The following DAG1 variants were observed in gnomAD, a reference collection of about 807,000 sequenced individuals.
DAG1 encodes dystroglycan 1, also known as dystroglycan 1 (dystrophin-associated glycoprotein 1).
A neutral mutation model predicts 46.1 loss-of-function variants in DAG1; 8 were observed. That is an observed-to-expected ratio of 0.17 (90% confidence interval 0.10 to 0.31). The LOEUF is 0.31. Among genes scored for constraint, DAG1 ranks in the 10% least tolerant of loss-of-function variants. The probability of loss-of-function intolerance (pLI) is 1.00; values close to 1 mark genes in which losing one functional copy is unlikely to be tolerated. For synonymous variants in DAG1, 495 were observed against 481.8 expected (o/e 1.03, Z -0.36); for missense variants, 1,003 against 1,189.9 (o/e 0.84, Z 2.31).
chr3:49,474,734 C>A (rs2049627924), intron 1 of DAG1, among the ~76,000 whole-genome samples: 1 of 152,078 alleles, frequency 6.6e-6, no homozygotes, highest in South Asian at 2.1e-4. Flanking sequence ...CTGCCTTCCT[C>A]AGCCTCCGAA....
In DAG1 at chr3:49,504,992, T is replaced by A. The variant is rs74843452; in HGVS notation, c.-116-5427T>A. On this transcript the variant is annotated intron_variant, in intron 1 of 2. Coordinates refer to ENST00000308775, the MANE Select transcript of DAG1 (RefSeq NM_004393.6). ...TCTTCTTTTTTTTTTTTTTTAATTT[T>A]AAAATTACTATTGTTATTTTTGAGA... is the stretch of plus-strand genomic sequence containing the variant. 7.6e-4 allele frequency among the ~76,000 whole-genome samples: 114 copies of A among 150,658 alleles called. No individual in the cohort carries two copies. In the East Asian group the frequency reaches 0.021, roughly 28 times the overall value.
At chr3:49,491,035 CACT>C (rs1031713160) in intron 1 of DAG1, among the ~76,000 whole-genome samples, 6 of 151,960 alleles carry the variant, frequency 3.9e-5, no homozygotes, top group Admixed American at 3.9e-4. Flanking sequence ...TACAGGCGCG[CACT>C]ACTACGCCTG....
At chr3:49,511,064 C>T in intron 2 of DAG1, 1 of 743,664 alleles carries the variant, frequency 1.3e-6, no homozygotes, top group Non-Finnish European at 1.6e-6. Flanking sequence ...TCTGGAAGTT[C>T]TACTGAACAC....
chr3:49,502,402 C>A (rs1189360313), intron 1 of DAG1, among the ~76,000 whole-genome samples: 1 of 152,110 alleles, frequency 6.6e-6, no homozygotes, highest in African/African-American at 2.4e-5. Flanking sequence ...CTTAACATTG[C>A]TGGTGAGCCT....
In DAG1 at chr3:49,533,014, AGT is replaced by A; in HGVS notation, c.2507_2508del (p.Val836AlafsTer20). 2 of 1,613,974 alleles carry A rather than the reference AGT, an allele frequency of 1.2e-6. No individual in the cohort carries two copies. Among genetic ancestry groups the A allele is most frequent in the Non-Finnish European group, 1.7e-6 (2 of 1,179,990 alleles). ...ACCCCCTCCTGAGTACCCCAACCAG[AGT>A]GTGCCCGAGACCACTCCTCTGAACC... is the stretch of plus-strand genomic sequence containing the variant. ...PLPPPEYPNQ[S>X]VPETTPLNQD... is the part of the protein sequence containing the mutation. On this transcript the variant is annotated frameshift_variant, in exon 3 of 3. Coordinates refer to ENST00000308775, the MANE Select transcript of DAG1 (RefSeq NM_004393.6). LOFTEE classifies it high-confidence loss of function.
At chr3:49,489,787 C>T (rs1333142852) in intron 1 of DAG1, among the ~76,000 whole-genome samples, 1 of 152,056 alleles carries the variant, frequency 6.6e-6, no homozygotes, top group South Asian at 2.1e-4. Flanking sequence ...CACTTCCCTT[C>T]GTAAACTTGG....
At position 49,535,521 on chromosome 3, in the gene DAG1, G is replaced by A. The variant is rs2051486996; in HGVS notation, c.*2322G>A. 6.5e-6 allele frequency: 1 copy of A among 152,714 alleles called. No homozygotes were observed. The highest frequency in any genetic ancestry group is 1.5e-5 in the Non-Finnish European group (1 of 68,052). The allele number at this position is 152,714 out of a possible 1,614,324, so 9.5% of individuals were successfully genotyped here. A position where few individuals can be genotyped will look rare whatever the true frequency, so the allele number is the denominator to read the frequency against. On this transcript the variant is annotated 3_prime_UTR_variant, in exon 3 of 3. Transcript: ENST00000308775. Reference sequence around the variant, plus strand: ...ATTCAAGTGTTCACCAACCACTGATGTGTTTTTATTTCCTTCTATATGATT... The same window carrying A: ...ATTCAAGTGTTCACCAACCACTGATATGTTTTTATTTCCTTCTATATGATT...
chr3:49,504,220 T>G (rs1194071052), intron 1 of DAG1, among the ~76,000 whole-genome samples: 2 of 152,070 alleles, frequency 1.3e-5, no homozygotes, highest in Non-Finnish European at 2.9e-5. Context: ...TCAAGAATGT[T>G]ATAAAAATGA....
At chr3:49,512,731 G>T (rs2050796880) in intron 2 of DAG1, among the ~76,000 whole-genome samples, 1 of 151,580 alleles carries the variant, frequency 6.6e-6, no homozygotes, top group African/African-American at 2.4e-5. Context: ...ACTTTGGGAG[G>T]CTGAGGGAGG....
intron 2 of DAG1, among the ~76,000 whole-genome samples, chr3:49,518,089 A>AAGCT (rs2050942143): frequency 6.6e-6 from 1 of 152,208 alleles, no homozygotes; most frequent in African/African-American, 2.4e-5. Flanking sequence ...TGAAGAACTG[A>AAGCT]GGTAGGAGGT....
rs1487780693 is a variant in DAG1, at chr3:49,531,922, T to C, written c.1411T>C (p.Leu471=). 6 of 1,614,022 alleles carry C rather than the reference T, an allele frequency of 3.7e-6. No homozygotes were observed. The highest frequency in any genetic ancestry group is 2.2e-5 in the East Asian group (1 of 44,866). ...RVTTKVSITR[L]ETASPPTRIR... ...CACCACCAAAGTTTCCATCACCAGATTGGAAACTGCCTCACCGCCTACTCG... is the reference window on the plus strand; with the variant it reads ...CACCACCAAAGTTTCCATCACCAGACTGGAAACTGCCTCACCGCCTACTCG... The change falls in exon 3 of 3, where the codon TTG becomes CTG. Residue 471 remains leucine, a synonymous_variant. Coordinates refer to ENST00000308775, the MANE Select transcript of DAG1 (RefSeq NM_004393.6). The surrounding 1 kb of genome is among the most constrained non-coding windows in gnomAD (Gnocchi z 7.0).
chr3:49,472,026 G>A (rs1448742299), intron 1 of DAG1, among the ~76,000 whole-genome samples: 1 of 152,172 alleles, frequency 6.6e-6, no homozygotes, highest in Non-Finnish European at 1.5e-5. Flanking sequence ...AATAGTGCTT[G>A]GGAGTCCTCC....
chr3:49,530,997 T>C lies in DAG1; in HGVS notation c.486T>C (p.Ser162=). 1.2e-6 allele frequency: 2 copies of C among 1,614,074 alleles called. No individual in the cohort carries two copies. The highest frequency in any genetic ancestry group is 1.7e-6 in the Non-Finnish European group (2 of 1,179,924). ...FSIEVYPEDH[S]ELQSVRTASP... is the part of the protein sequence containing the mutation. ...TCGAGGTCTACCCTGAAGACCACAG[T>C]GAGCTGCAGTCGGTGAGGACAGCCT... The change falls in exon 3 of 3, where the codon AGT becomes AGC. Residue 162 remains serine, a synonymous_variant. Coordinates refer to ENST00000308775, the MANE Select transcript of DAG1 (RefSeq NM_004393.6).
rs1379714729 is a variant in DAG1 at position 49,533,631 on chromosome 3, A to T, written c.*432A>T. 1 of 328,160 alleles carries T rather than the reference A, an allele frequency of 3.0e-6. No homozygotes were observed. The highest frequency in any genetic ancestry group is 2.2e-5 in the African/African-American group (1 of 46,450). The allele number at this position is 328,160 out of a possible 1,614,324, so 20.3% of individuals were successfully genotyped here. On this transcript the variant is annotated 3_prime_UTR_variant, in exon 3 of 3. Transcript: ENST00000308775. ...CGTGTGTCTAGCTGCAGGATGTAACATGGAAAACAGTAACTAAAGATTAAA... is the reference window on the plus strand; with the variant it reads ...CGTGTGTCTAGCTGCAGGATGTAACTTGGAAAACAGTAACTAAAGATTAAA...
intron 1 of DAG1, among the ~76,000 whole-genome samples, chr3:49,509,630 C>G (rs372896630): frequency 9.1e-4 from 139 of 152,286 alleles, no homozygotes; most frequent in African/African-American, 3.3e-3. Context: ...TGCCACCCAA[C>G]AGAAATATAA....
intron 2 of DAG1, among the ~76,000 whole-genome samples, chr3:49,526,389 G>T (rs184138053): frequency 1.3e-5 from 2 of 152,290 alleles, no homozygotes; most frequent in East Asian, 3.9e-4. Context: ...AACTTTACAT[G>T]GCTGCAAAGC....
At chr3:49,526,827 A>G (rs189001243) in intron 2 of DAG1, among the ~76,000 whole-genome samples, 36 of 152,390 alleles carry the variant, frequency 2.4e-4, no homozygotes, top group Non-Finnish European at 5.9e-5. Context: ...ATTGAGCATT[A>G]TAACTTGCTT....
rs71080528 is a variant in DAG1, at chr3:49,505,981, C to CT, written c.-116-4423dup. On this transcript the variant is annotated intron_variant, in intron 1 of 2. Coordinates refer to ENST00000308775, the MANE Select transcript of DAG1 (RefSeq NM_004393.6). ...CACCACGCCCGGCCTATTTTTTTTT[C>CT]TTTTTTTTTTTTTTTGAGTCAGAGT... is the stretch of plus-strand genomic sequence containing the variant. 3.7e-3 allele frequency among the ~76,000 whole-genome samples: 473 copies of CT among 128,018 alleles called. 3 individuals carry two copies. The highest frequency in any genetic ancestry group is 7.8e-3 in the African/African-American group (268 of 34,380). 84.0% of individuals were successfully genotyped at this position (128,018 alleles called of 152,430 possible).
At chr3:49,473,883 C>CTT (rs371637990) in intron 1 of DAG1, among the ~76,000 whole-genome samples, 31 of 142,870 alleles carry the variant, frequency 2.2e-4, no homozygotes, top group Non-Finnish European at 2.5e-4. Context: ...TGCGCCTGGC[C>CTT]TTTTTTTTTT....
Sources: allele counts gnomAD v4.1 joint callset (sites outside exome capture counted in the v4.1 genomes callset), GRCh38; gene constraint gnomAD v4.1.1; non-coding constraint Gnocchi (gnomAD v3.1); transcripts MANE v1.5; gene names NCBI Gene and HGNC (gene_info 2026-07-23, HGNC 2026-07-21).